RORA: variants seen among roughly 807,000 people sequenced by gnomAD.
The protein encoded by RORA is RAR related orphan receptor A, also known as nuclear receptor ROR-alpha.
A neutral mutation model predicts 69.5 loss-of-function variants in RORA; 7 were observed. The observed-to-expected ratio is 0.10, with a 90% CI of 0.06 to 0.19. The LOEUF (loss-of-function observed/expected upper bound fraction) is 0.19. Ranked by LOEUF, RORA falls within the 10% of genes least tolerant of loss-of-function variation. RORA has a pLI of 1.00. For missense variants in RORA, 457 were observed against 663.0 expected (o/e 0.69, Z 3.41); for synonymous variants, 261 against 240.8 (o/e 1.08, Z -0.78).
intron 1 of RORA, among the ~76,000 whole-genome samples, chr15:61,034,069 TC>T (rs1595898753): frequency 6.6e-6 from 1 of 152,212 alleles, no homozygotes; most frequent in Admixed American, 6.5e-5. Context: ...ATATGCCACT[TC>T]CATTATAGTT....
intron 1 of RORA, among the ~76,000 whole-genome samples, chr15:60,915,215 A>G (rs538602782): frequency 6.6e-6 from 1 of 152,344 alleles, no homozygotes; most frequent in East Asian, 1.9e-4. Context: ...TGCTCTCCCC[A>G]GCATGGGCCA....
At chr15:60,521,007 T>C (rs1279550519) in intron 3 of RORA, among the ~76,000 whole-genome samples, 1 of 151,968 alleles carries the variant, frequency 6.6e-6, no homozygotes, top group Admixed American at 6.6e-5. Flanking sequence ...AATAGAAAAT[T>C]AGAATAAAAC....
At chr15:60,717,012 A>G (rs1182354290) in intron 1 of RORA, among the ~76,000 whole-genome samples, 2 of 152,202 alleles carry the variant, frequency 1.3e-5, no homozygotes, top group Non-Finnish European at 2.9e-5. Context: ...CCCTCAACTT[A>G]AAGCTGGTTG....
intron 1 of RORA, among the ~76,000 whole-genome samples, chr15:60,883,130 C>CAAAAAAA (rs60074751): frequency 1.2e-4 from 5 of 43,116 alleles, no homozygotes; most frequent in East Asian, 6.7e-4. Context: ...GACATCGTCT[C>CAAAAAAA]AAAAAAAAAA....
intron 2 of RORA, among the ~76,000 whole-genome samples, chr15:60,616,798 G>A (rs1195194249): frequency 1.3e-5 from 2 of 152,216 alleles, no homozygotes; most frequent in African/African-American, 4.8e-5. Flanking sequence ...AGCTCGACTA[G>A]CTGCAAGGTT....
intron 1 of RORA, among the ~76,000 whole-genome samples, chr15:60,914,130 T>A (rs1357284658): frequency 1.3e-5 from 2 of 152,348 alleles, no homozygotes; most frequent in East Asian, 3.9e-4. Context: ...AGAGCAAATA[T>A]TTCCTGCTTT....
chr15:60,919,995 C>G (rs573158737), intron 1 of RORA, among the ~76,000 whole-genome samples: 1 of 152,262 alleles, frequency 6.6e-6, no homozygotes, highest in South Asian at 2.1e-4. Context: ...ATCACACACT[C>G]CACTGTGCTA....
chr15:60,921,733 T>C (rs1279635036), intron 1 of RORA, among the ~76,000 whole-genome samples: 1 of 152,198 alleles, frequency 6.6e-6, no homozygotes, highest in African/African-American at 2.4e-5. Flanking sequence ...CATGTGGCTT[T>C]TGGAATTCAC....
At chr15:61,068,487 T>C (rs1160685445) in intron 1 of RORA, among the ~76,000 whole-genome samples, 3 of 152,220 alleles carry the variant, frequency 2.0e-5, no homozygotes, top group South Asian at 2.1e-4. Flanking sequence ...TCAATTGCAT[T>C]TATTTGTCAG....
At chr15:60,890,191 C>T (rs930573994) in intron 1 of RORA, among the ~76,000 whole-genome samples, 1 of 152,192 alleles carries the variant, frequency 6.6e-6, no homozygotes, top group Non-Finnish European at 1.5e-5. Context: ...GAGCTGAAGG[C>T]ACTTTCACGT....
At chr15:60,908,775 C>G (rs1891618158) in intron 1 of RORA, among the ~76,000 whole-genome samples, 1 of 152,154 alleles carries the variant, frequency 6.6e-6, no homozygotes, top group Non-Finnish European at 1.5e-5. Flanking sequence ...GTTCTGCCAA[C>G]TGAACATTGT....
chr15:60,639,487 G>T (rs920635225), intron 2 of RORA, among the ~76,000 whole-genome samples: 2 of 152,070 alleles, frequency 1.3e-5, no homozygotes, highest in African/African-American at 4.8e-5. Flanking sequence ...CCACGTCCCG[G>T]CTTCCAGTGG....
intron 1 of RORA, among the ~76,000 whole-genome samples, chr15:60,982,740 A>G (rs1894082640): frequency 6.6e-6 from 1 of 152,122 alleles, no homozygotes; most frequent in Non-Finnish European, 1.5e-5. Context: ...GAATTGACTA[A>G]GGTTTTTTGT....
chr15:60,888,773 G>A (rs1464485558), intron 1 of RORA, among the ~76,000 whole-genome samples: 1 of 152,114 alleles, frequency 6.6e-6, no homozygotes, highest in Non-Finnish European at 1.5e-5. Context: ...GAGAAAAGCT[G>A]TCTGTGCTCC....
chr15:60,698,141 C>T (rs1470756882), intron 1 of RORA, among the ~76,000 whole-genome samples: 1 of 152,110 alleles, frequency 6.6e-6, no homozygotes, highest in Non-Finnish European at 1.5e-5. Context: ...ATATATACTC[C>T]ATGCTTCAGC....
intron 2 of RORA, among the ~76,000 whole-genome samples, chr15:60,632,092 A>C (rs2069749082): frequency 6.8e-6 from 1 of 147,546 alleles, no homozygotes; most frequent in Admixed American, 6.9e-5. Context: ...TAGCTACTTA[A>C]ATTCATGTTT....
intron 1 of RORA, among the ~76,000 whole-genome samples, chr15:60,731,988 T>A (rs1042346845): frequency 6.6e-6 from 1 of 152,192 alleles, no homozygotes; most frequent in African/African-American, 2.4e-5. Context: ...AAGTTCCGAA[T>A]AGGCGAAGGG....
At chr15:61,032,380 A>G (rs759709506) in intron 1 of RORA, among the ~76,000 whole-genome samples, 1 of 152,242 alleles carries the variant, frequency 6.6e-6, no homozygotes, top group Non-Finnish European at 1.5e-5. Context: ...CATGAGACTG[A>G]GTCATATGAA....
At chr15:61,176,151 A>G (rs2079627521) in intron 1 of RORA, 11 of 152,238 alleles carry the variant, frequency 7.2e-5, no homozygotes. Flanking sequence ...TCCCACATCA[A>G]GCAGATTTAG....
Sources: allele counts gnomAD v4.1 joint callset (sites outside exome capture counted in the v4.1 genomes callset), GRCh38; gene constraint gnomAD v4.1.1; transcripts MANE v1.5; gene names NCBI Gene and HGNC (gene_info 2026-07-23, HGNC 2026-07-21).